PARN: variants seen among roughly 807,000 people sequenced by gnomAD.
PARN encodes poly(A)-specific ribonuclease PARN.
A neutral mutation model predicts 102.8 loss-of-function variants in PARN; 71 were observed. The ratio of observed to expected loss-of-function variants is 0.69; its 90% confidence interval spans 0.57 to 0.84. The LOEUF (loss-of-function observed/expected upper bound fraction) is 0.84, where lower values mean the gene tolerates loss of function less well. PARN is among the 40% of genes least tolerant of loss of function. The probability of loss-of-function intolerance (pLI) is 0.00; values close to 1 mark genes in which losing one functional copy is unlikely to be tolerated. For missense variants in PARN, 782 were observed against 760.9 expected (o/e 1.03, Z -0.33); for synonymous variants, 261 against 252.9 (o/e 1.03, Z -0.30).
chr16:14,460,863 G>C (rs528255870), intron 22 of PARN, among the ~76,000 whole-genome samples: 49 of 152,340 alleles, frequency 3.2e-4, no homozygotes, highest in Non-Finnish European at 4.9e-4. Context: ...CCACCACTTA[G>C]ACTTGGGCTG....
At chr16:14,508,421 T>G (rs979747932) in intron 21 of PARN, among the ~76,000 whole-genome samples, 2 of 151,894 alleles carry the variant, frequency 1.3e-5, no homozygotes, top group African/African-American at 4.8e-5. Flanking sequence ...TAAATAAAAA[T>G]AAAAGATAAA....
chr16:14,609,021 A>T, intron 8 of PARN, 37 bp downstream of exon 8: 1 of 1,265,626 alleles, frequency 7.9e-7, no homozygotes, highest in Non-Finnish European at 1.1e-6. Flanking sequence ...CTACCTTTCC[A>T]AAAAAAGGAC....
chr16:14,612,581 T>A (rs1027052233), intron 6 of PARN, among the ~76,000 whole-genome samples: 1 of 152,168 alleles, frequency 6.6e-6, no homozygotes, highest in Non-Finnish European at 1.5e-5. Context: ...AGCTACCTTT[T>A]GGACATACTA....
intron 21 of PARN, among the ~76,000 whole-genome samples, chr16:14,494,533 G>A (rs1021465945): frequency 6.6e-6 from 1 of 152,190 alleles, no homozygotes; most frequent in Non-Finnish European, 1.5e-5. Flanking sequence ...CTGTGATCCA[G>A]GCAGAAGGAA....
At chr16:14,544,659 T>C (rs1238628859) in intron 21 of PARN, among the ~76,000 whole-genome samples, 1 of 152,112 alleles carries the variant, frequency 6.6e-6, no homozygotes, top group African/African-American at 2.4e-5. Flanking sequence ...TCAGATAAGG[T>C]AGACTTAAAA....
At chr16:14,594,941 G>A (rs1970411281) in intron 12 of PARN, among the ~76,000 whole-genome samples, 1 of 152,166 alleles carries the variant, frequency 6.6e-6, no homozygotes, top group Non-Finnish European at 1.5e-5. Context: ...CAGAAAAGAT[G>A]TGTAGGTAAC....
intron 21 of PARN, among the ~76,000 whole-genome samples, chr16:14,528,954 A>G (rs534765123): frequency 6.6e-6 from 1 of 152,322 alleles, no homozygotes; most frequent in East Asian, 1.9e-4. Context: ...AAGAAACGAG[A>G]GAAAAAACAT....
chr16:14,571,109 C>A (rs566815082), intron 18 of PARN, among the ~76,000 whole-genome samples: 2 of 152,176 alleles, frequency 1.3e-5, no homozygotes, highest in African/African-American at 4.8e-5. Context: ...AAACTCCAGG[C>A]GCGGTGGCTC....
rs927677704 is a variant in PARN, at chr16:14,519,125, G to A, written c.1480+32896C>T. Among the ~76,000 whole-genome samples, 3 of 151,738 alleles carry A rather than the reference G, an allele frequency of 2.0e-5. No homozygotes were observed. In the East Asian group the frequency reaches 5.8e-4, roughly 29 times the overall value. Reference sequence around the variant, plus strand: ...CATCTCCAGTGTCATTGAGAACCAGGATTCTTGCTATGAGAGAAAGAACGT... The same window carrying A: ...CATCTCCAGTGTCATTGAGAACCAGAATTCTTGCTATGAGAGAAAGAACGT... On this transcript the variant is annotated intron_variant, in intron 21 of 23. Coordinates refer to ENST00000437198, the MANE Select transcript of PARN (RefSeq NM_002582.4).
intron 22 of PARN, among the ~76,000 whole-genome samples, chr16:14,460,255 A>C (rs963150498): frequency 3.3e-5 from 5 of 152,220 alleles, no homozygotes; most frequent in Non-Finnish European, 7.3e-5. Context: ...TTAAAAAATA[A>C]TGGATGGCCA....
intron 21 of PARN, among the ~76,000 whole-genome samples, chr16:14,527,067 G>A (rs1012658608): frequency 3.3e-5 from 5 of 152,194 alleles, no homozygotes; most frequent in Non-Finnish European, 1.5e-5. Flanking sequence ...AAAATGTATA[G>A]AGGTCAATGG....
intron 21 of PARN, among the ~76,000 whole-genome samples, chr16:14,529,585 CAG>C (rs1297309096): frequency 6.6e-6 from 1 of 152,160 alleles, no homozygotes; most frequent in African/African-American, 2.4e-5. Flanking sequence ...ATCATGTCAT[CAG>C]AGTCACATCC....
At chr16:14,439,850 T>TA (rs1960870915) in intron 23 of PARN, among the ~76,000 whole-genome samples, 4 of 151,712 alleles carry the variant, frequency 2.6e-5, no homozygotes, top group Admixed American at 2.6e-4. Context: ...CCATCTCTAC[T>TA]AAAAAAGTAC....
At chr16:14,625,971 G>A (rs907805147) in intron 5 of PARN, among the ~76,000 whole-genome samples, 1 of 152,148 alleles carries the variant, frequency 6.6e-6, no homozygotes, top group African/African-American at 2.4e-5. Context: ...ATAATCAAAA[G>A]AGCAGAAAGG....
intron 6 of PARN, among the ~76,000 whole-genome samples, chr16:14,617,197 A>C (rs1971966768): frequency 6.6e-6 from 1 of 151,576 alleles, no homozygotes; most frequent in Non-Finnish European, 1.5e-5. Context: ...ATCCTGGCTA[A>C]CACGGTGAAA....
intron 18 of PARN, among the ~76,000 whole-genome samples, chr16:14,575,325 T>C (rs190551437): frequency 2.0e-5 from 3 of 152,152 alleles, no homozygotes; most frequent in Non-Finnish European, 4.4e-5. Context: ...TGCCAGCACA[T>C]GAAAGGAGCC....
intron 18 of PARN, among the ~76,000 whole-genome samples, chr16:14,560,211 C>A (rs1381573784): frequency 7.2e-5 from 11 of 152,334 alleles, no homozygotes; most frequent in Admixed American, 4.6e-4. Flanking sequence ...CTGATAAAGA[C>A]ATGAAAGGAT....
At chr16:14,618,931 C>G (rs72789505) in intron 5 of PARN, among the ~76,000 whole-genome samples, 26,141 of 152,034 alleles carry the variant, frequency 0.17, 2,908 homozygotes, top group Middle Eastern at 0.28. Flanking sequence ...CACGGTGGCT[C>G]GCACCTGTAA....
rs1282489050 is a variant in PARN at position 14,553,476 on chromosome 16, A to C, written c.1405+589T>G. Among the ~76,000 whole-genome samples the C allele has an allele frequency of 3.9e-5, 6 of 152,228 alleles. No homozygotes were observed. The East Asian group carries it at 1.2e-3, about 29-fold the overall frequency. On this transcript the variant is annotated intron_variant, in intron 20 of 23. Coordinates refer to ENST00000437198, the MANE Select transcript of PARN (RefSeq NM_002582.4). ...TGGACATTTAGGTTTTGTGGCCTTC[A>C]CTTTATCCAAGAATTTCCAAAGAGA...
Sources: allele counts gnomAD v4.1 joint callset (sites outside exome capture counted in the v4.1 genomes callset), GRCh38; gene constraint gnomAD v4.1.1; transcripts MANE v1.5; gene names NCBI Gene and HGNC (gene_info 2026-07-23, HGNC 2026-07-21).